ARID4A: variants seen among roughly 807,000 people sequenced by gnomAD.
The protein encoded by ARID4A is AT-rich interaction domain 4A, also known as AT-rich interactive domain-containing protein 4A.
In ARID4A, 39 loss-of-function variants were observed where a neutral mutation model predicts 148.6. That is an observed-to-expected ratio of 0.26 (90% CI 0.20 to 0.34). The LOEUF (loss-of-function observed/expected upper bound fraction) is 0.34. Ranked by LOEUF, ARID4A falls within the 10% of genes least tolerant of loss-of-function variation. The probability of loss-of-function intolerance (pLI) is 1.00; values close to 1 mark genes in which losing one functional copy is unlikely to be tolerated. For synonymous variants in ARID4A, 475 were observed against 481.2 expected, an observed-to-expected ratio of 0.99 and a Z score of 0.17; for missense variants, 1,265 against 1,449.1, an observed-to-expected ratio of 0.87 and a Z score of 2.06.
Position 58,364,285 on chromosome 14 carries a change from A to G in ARID4A, c.2196A>G (p.Leu732=). The G allele has an allele frequency of 6.4e-7, 1 of 1,561,732 alleles. No homozygotes were observed. Among genetic ancestry groups the G allele is most frequent in the Non-Finnish European group, 8.6e-7 (1 of 1,164,228 alleles). The change falls in exon 20 of 24, where the codon CTA becomes CTG. Residue 732 remains leucine, a synonymous_variant. Transcript: ENST00000355431. The part of the protein sequence containing the change: ...EKNENLNDDK[L]DEENPKISAH... Reference sequence around the variant, plus strand: ...ATGAAAATTTGAATGATGATAAGCTAGATGAAGAAAATCCAAAGATTTCTG... The same window carrying G: ...ATGAAAATTTGAATGATGATAAGCTGGATGAAGAAAATCCAAAGATTTCTG...
At chr14:58,305,967 G>A (rs2031569068) in intron 4 of ARID4A, 55 bp from the exon 5 acceptor site, 1 of 1,250,464 alleles carries the variant, frequency 8.0e-7, no homozygotes, top group African/African-American at 1.5e-5. Context: ...GTTGGTGGGA[G>A]TGATTTGGTT....
intron 7 of ARID4A, among the ~76,000 whole-genome samples, chr14:58,321,572 A>T (rs1487060658): frequency 6.6e-6 from 1 of 152,132 alleles, no homozygotes; most frequent in Non-Finnish European, 1.5e-5. Flanking sequence ...CATTTCTACA[A>T]GGGTCCCTCA....
chr14:58,366,325 A>G, intron 22 of ARID4A, 95 bp downstream of exon 22: 1 of 985,126 alleles, frequency 1.0e-6, no homozygotes, highest in Non-Finnish European at 1.5e-6. Context: ...AATAAGGAAT[A>G]ATGATTAACT....
At chr14:58,362,069 CA>C (rs2035156796) in intron 19 of ARID4A, among the ~76,000 whole-genome samples, 1 of 152,104 alleles carries the variant, frequency 6.6e-6, no homozygotes, top group Admixed American at 6.5e-5. Flanking sequence ...ACAATCCATG[CA>C]TCCTAATGTG....
intron 15 of ARID4A, among the ~76,000 whole-genome samples, chr14:58,348,504 G>A (rs898656578): frequency 1.1e-4 from 16 of 152,114 alleles, no homozygotes; most frequent in African/African-American, 3.6e-4. Context: ...CTAGTGATGC[G>A]TACATGTATG....
At position 58,367,022 on chromosome 14, in the gene ARID4A, C is replaced by A; in HGVS notation, c.3663C>A (p.Asp1221Glu). The A allele has an allele frequency of 2.0e-6, 3 of 1,488,928 alleles. No homozygotes were observed. The highest frequency in any genetic ancestry group is 2.7e-6 in the Non-Finnish European group (3 of 1,126,226). 92.2% of individuals were successfully genotyped at this position (1,488,928 alleles called of 1,614,324 possible). Residue 1221 changes from aspartate to glutamate, a missense_variant, in exon 23 of 24, where the codon GAC (aspartate) becomes GAA (glutamate). Asp to Glu is a conservative substitution (Grantham distance 45, BLOSUM62 2). This residue lies in a region of ARID4A where 666 missense variants were observed against 730.9 expected (regional missense o/e 0.91). Transcript: ENST00000355431. ...DRRRKRLKKK[D>E]REVSHAGASM... ...GGAGAAAAAGATTAAAAAAGAAAGA[C>A]AGGGAAGGTAATTTTATTATGATTT...
rs1373421165 is a variant in ARID4A, at chr14:58,364,313, C to T, written c.2224C>T (p.His742Tyr). Residue 742 changes from histidine to tyrosine, a missense_variant, in exon 20 of 24, where the codon CAT becomes TAT. This residue lies in a region of ARID4A where 666 missense variants were observed against 730.9 expected (regional missense o/e 0.91). Transcript: ENST00000355431. ...LDEENPKISA[H>Y]ILKENDRTQM... The stretch of plus-strand genomic sequence containing the variant: ...TGAAGAAAATCCAAAGATTTCTGCA[C>T]ATATATTAAAAGAAAATGATAGGAC... The T allele has an allele frequency of 1.9e-6, 3 of 1,568,494 alleles. No homozygotes were observed. The highest frequency in any genetic ancestry group is 2.5e-5 in the South Asian group (2 of 81,262).
chr14:58,368,556 T>C (rs1440557496), intron 23 of ARID4A, among the ~76,000 whole-genome samples: 1 of 151,200 alleles, frequency 6.6e-6, no homozygotes, highest in Non-Finnish European at 1.5e-5. Context: ...AAAAAGGAAC[T>C]GGAAGAAAAA....
intron 19 of ARID4A, among the ~76,000 whole-genome samples, chr14:58,363,911 A>G (rs1185056151): frequency 6.6e-6 from 1 of 152,162 alleles, no homozygotes; most frequent in Non-Finnish European, 1.5e-5. Flanking sequence ...ATACTGGGGA[A>G]TGTTGCAAAA....
At chr14:58,371,860 C>T (rs766872197) in intron 23 of ARID4A, 26 bp from the exon 24 acceptor site, 31 of 1,561,112 alleles carry the variant, frequency 2.0e-5, no homozygotes, top group Non-Finnish European at 2.4e-5. Flanking sequence ...GTTTTTGGAT[C>T]TAACATAGTT....
chr14:58,301,387 A>G (rs2031157933), intron 2 of ARID4A, among the ~76,000 whole-genome samples, 193 bp from the exon 3 acceptor site: 2 of 152,246 alleles, frequency 1.3e-5, no homozygotes, highest in Admixed American at 1.3e-4. Flanking sequence ...ACATTTTATC[A>G]TATCAGGACA....
chr14:58,362,128 A>G (rs1422639592), intron 19 of ARID4A, among the ~76,000 whole-genome samples: 3 of 152,202 alleles, frequency 2.0e-5, no homozygotes, highest in East Asian at 1.9e-4. Context: ...TATAAATTCA[A>G]TGCTGTTCAT....
Position 58,299,047 on chromosome 14 carries a change from G to T in ARID4A, c.-58+347G>T, listed in dbSNP as rs201478575. Among the ~76,000 whole-genome samples the T allele has an allele frequency of 2.2e-3, 329 of 152,346 alleles. 2 individuals carry two copies. Among genetic ancestry groups the T allele is most frequent in the African/African-American group, 7.5e-3 (310 of 41,596 alleles). ...CGGCGCGTCCACCTCTGCGGAGTCC[G>T]TGGCAGGACTCGAGGGGCTACGAGC... On this transcript the variant is annotated intron_variant, in intron 1 of 23. Coordinates refer to ENST00000355431, the MANE Select transcript of ARID4A (RefSeq NM_002892.4).
At chr14:58,326,322 A>G (rs1016156122) in intron 8 of ARID4A, among the ~76,000 whole-genome samples, 11 of 152,226 alleles carry the variant, frequency 7.2e-5, no homozygotes, top group Admixed American at 7.2e-4. Context: ...CTGTAGTCCC[A>G]GCTACTTGGG....
intron 5 of ARID4A, among the ~76,000 whole-genome samples, chr14:58,313,796 C>G (rs2032218000): frequency 6.6e-6 from 1 of 152,220 alleles, no homozygotes. Flanking sequence ...GCCTGGAGTT[C>G]TGATGTCCAA....
chr14:58,343,798 C>G (rs532295067), intron 11 of ARID4A, among the ~76,000 whole-genome samples: 2 of 151,684 alleles, frequency 1.3e-5, no homozygotes, highest in African/African-American at 4.8e-5. Context: ...CCATTACACT[C>G]CAGCCTAGGC....
intron 5 of ARID4A, among the ~76,000 whole-genome samples, chr14:58,317,192 CAAAA>C (rs575688131): frequency 3.3e-5 from 2 of 59,748 alleles, no homozygotes; most frequent in Admixed American, 1.9e-4. Flanking sequence ...GACTCAGTCT[CAAAA>C]AAAAAAAAAA....
chr14:58,336,029 T>C (rs542619309), intron 11 of ARID4A, among the ~76,000 whole-genome samples: 25 of 152,268 alleles, frequency 1.6e-4, no homozygotes, highest in African/African-American at 5.3e-4. Flanking sequence ...TTTTTTTTTT[T>C]CTAACTGAAA....
At chr14:58,301,220 T>C (rs2031137358) in intron 2 of ARID4A, among the ~76,000 whole-genome samples, 1 of 152,234 alleles carries the variant, frequency 6.6e-6, no homozygotes, top group Non-Finnish European at 1.5e-5. Context: ...TTCAGGAAGC[T>C]ATAAATGAAT....
Sources: gnomAD v4.1 joint callset for allele counts (sites outside exome capture counted in the v4.1 genomes callset) on GRCh38, gnomAD v4.1.1 for gene constraint, gnomAD v4.1.1 regional missense constraint, MANE v1.5 for transcripts, NCBI Gene and HGNC (gene_info 2026-07-23, HGNC 2026-07-21) for gene names.